The following NEGR1 variants were observed in gnomAD, a reference collection of about 807,000 sequenced individuals.
The protein encoded by NEGR1 is neuronal growth regulator 1.
Under a neutral mutation model 40.9 loss-of-function variants are expected in NEGR1, and 10 were observed. That is an observed-to-expected ratio of 0.24 (90% CI 0.15 to 0.42). The LOEUF (loss-of-function observed/expected upper bound fraction) is 0.42. NEGR1 is among the 10% of genes least tolerant of loss of function. The probability of loss-of-function intolerance (pLI) is 1.00; values close to 1 mark genes in which losing one functional copy is unlikely to be tolerated. For synonymous variants in NEGR1, 185 were observed against 166.8 expected (o/e 1.11, Z -0.84); for missense variants, 352 against 438.9 (o/e 0.80, Z 1.77).
At chr1:71,739,407 T>C (rs1427272319) in intron 3 of NEGR1, among the ~76,000 whole-genome samples, 2 of 151,614 alleles carry the variant, frequency 1.3e-5, no homozygotes, top group Non-Finnish European at 2.9e-5. Flanking sequence ...GAGTTAATAC[T>C]CCTTAATAAA....
intron 6 of NEGR1, among the ~76,000 whole-genome samples, chr1:71,491,212 A>C (rs534578278): frequency 6.6e-6 from 1 of 152,194 alleles, no homozygotes; most frequent in East Asian, 1.9e-4. Context: ...ACATAGTATT[A>C]GGCATTATAA....
chr1:71,982,253 A>G (rs1646360553), intron 1 of NEGR1, among the ~76,000 whole-genome samples: 1 of 152,182 alleles, frequency 6.6e-6, no homozygotes, highest in African/African-American at 2.4e-5. Context: ...TTTTAAGTTC[A>G]GTATTAAACC....
chr1:71,796,533 C>T (rs1011286265), intron 2 of NEGR1, among the ~76,000 whole-genome samples: 7 of 152,224 alleles, frequency 4.6e-5, no homozygotes, highest in South Asian at 4.1e-4. Context: ...GAGCTGGATG[C>T]GGCATAGCCT....
chr1:71,629,059 C>T (rs1650884604), intron 4 of NEGR1, among the ~76,000 whole-genome samples: 1 of 152,156 alleles, frequency 6.6e-6, no homozygotes, highest in African/African-American at 2.4e-5. Flanking sequence ...TATTTCTCTA[C>T]ATCCTCTCCA....
rs988743139 is a variant in NEGR1 at position 72,012,258 on chromosome 1, C to T, written c.177-76947G>A. ...TAATGACTATATTAGTGTCAAAGCA[C>T]GCCCCAGACCAACAGACAAAATGGA... On this transcript the variant is annotated intron_variant, in intron 1 of 6. Coordinates refer to ENST00000357731, the MANE Select transcript of NEGR1 (RefSeq NM_173808.3). Among the ~76,000 whole-genome samples the T allele has an allele frequency of 1.3e-4, 20 of 152,140 alleles. No individual in the cohort carries two copies. In the South Asian group the frequency reaches 2.1e-3, roughly 16 times the overall value.
chr1:72,272,525 A>G (rs1655878248), intron 1 of NEGR1, among the ~76,000 whole-genome samples: 1 of 152,026 alleles, frequency 6.6e-6, no homozygotes, highest in Non-Finnish European at 1.5e-5. Flanking sequence ...TAGAGAAAAT[A>G]CATAAAATAT....
chr1:71,418,402 C>T (rs1394064659), intron 6 of NEGR1, among the ~76,000 whole-genome samples: 1 of 151,942 alleles, frequency 6.6e-6, no homozygotes, highest in Admixed American at 6.6e-5. Context: ...CATCCTCTGC[C>T]TCTCGGGTTC....
chr1:71,684,641 G>C (rs7548855), intron 4 of NEGR1, among the ~76,000 whole-genome samples: 149,766 of 152,308 alleles, frequency 0.98, 73,673 homozygotes, highest in Middle Eastern at 1. Context: ...TAATCTCCCT[G>C]CCCTGTGTGG....
intron 6 of NEGR1, among the ~76,000 whole-genome samples, chr1:71,413,068 A>G (rs1230502376): frequency 6.6e-6 from 1 of 152,160 alleles, no homozygotes; most frequent in Non-Finnish European, 1.5e-5. Flanking sequence ...TCAAGTTCCA[A>G]TTCCATCCCT....
chr1:71,853,406 G>A (rs1255953678), intron 2 of NEGR1, among the ~76,000 whole-genome samples: 1 of 151,926 alleles, frequency 6.6e-6, no homozygotes, highest in African/African-American at 2.4e-5. Flanking sequence ...ATAATTATGC[G>A]ATTTATAAGC....
intron 2 of NEGR1, among the ~76,000 whole-genome samples, chr1:71,915,011 C>T (rs1322303452): frequency 6.6e-6 from 1 of 152,000 alleles, no homozygotes; most frequent in Non-Finnish European, 1.5e-5. Flanking sequence ...TAAGTCTTTC[C>T]TCTTCCTTTA....
chr1:72,091,798 C>A (rs907872027), intron 1 of NEGR1, among the ~76,000 whole-genome samples: 1 of 152,138 alleles, frequency 6.6e-6, no homozygotes, highest in Non-Finnish European at 1.5e-5. Context: ...GCCCTGGACA[C>A]ACAGAAGTCC....
At chr1:71,983,378 G>A (rs1394966696) in intron 1 of NEGR1, among the ~76,000 whole-genome samples, 1 of 152,084 alleles carries the variant, frequency 6.6e-6, no homozygotes, top group African/African-American at 2.4e-5. Flanking sequence ...CTTTTCCTGA[G>A]AGAAAAATCA....
At position 71,803,915 on chromosome 1, in the gene NEGR1, T is replaced by A. The variant is rs377228741; in HGVS notation, c.410-27618A>T. 4.4e-4 allele frequency among the ~76,000 whole-genome samples: 67 copies of A among 152,280 alleles called. 2 individuals are homozygous for A. In the East Asian group the frequency reaches 5.0e-3, roughly 11 times the overall value. ...ATAATAAATGTTTAATAAGCATTTG[T>A]TAAATTAATGGAAATGTATTTATAT... On this transcript the variant is annotated intron_variant, in intron 2 of 6. Transcript: ENST00000357731.
chr1:72,162,151 G>A (rs1304682560), intron 1 of NEGR1, among the ~76,000 whole-genome samples: 1 of 151,854 alleles, frequency 6.6e-6, no homozygotes, highest in African/African-American at 2.4e-5. Context: ...ACAAGAAAAT[G>A]ACATAAAAAC....
intron 4 of NEGR1, among the ~76,000 whole-genome samples, chr1:71,691,081 G>A (rs1570214688): frequency 6.6e-6 from 1 of 151,916 alleles, no homozygotes; most frequent in Admixed American, 6.6e-5. Context: ...AAGTGCATGG[G>A]AGAATACACT....
At chr1:72,042,541 C>A (rs1433430442) in intron 1 of NEGR1, among the ~76,000 whole-genome samples, 1 of 151,926 alleles carries the variant, frequency 6.6e-6, no homozygotes, top group African/African-American at 2.4e-5. Context: ...CACGATAGCA[C>A]AAATAAAAGA....
intron 2 of NEGR1, among the ~76,000 whole-genome samples, chr1:71,928,457 C>CAT (rs1645819463): frequency 7.6e-6 from 1 of 132,052 alleles, no homozygotes; most frequent in Non-Finnish European, 1.6e-5. Context: ...TGTATATATA[C>CAT]ACACATACTT....
chr1:71,824,247 T>C (rs1421931534), intron 2 of NEGR1, among the ~76,000 whole-genome samples: 4 of 151,978 alleles, frequency 2.6e-5, no homozygotes, highest in Non-Finnish European at 5.9e-5. Flanking sequence ...TTAATTTTGA[T>C]GCATTAGCCA....
Sources: gnomAD v4.1 joint callset for allele counts (sites outside exome capture counted in the v4.1 genomes callset) on GRCh38, gnomAD v4.1.1 for gene constraint, MANE v1.5 for transcripts, NCBI Gene and HGNC (gene_info 2026-07-23, HGNC 2026-07-21) for gene names.